Variants in SGCA observed in about 807,000 individuals in gnomAD.
SGCA encodes the protein alpha-sarcoglycan.
In SGCA, 34 loss-of-function variants were observed where a neutral mutation model predicts 38.1. The observed-to-expected ratio is 0.89, with a 90% CI of 0.68 to 1.19. The LOEUF (loss-of-function observed/expected upper bound fraction) is 1.19. SGCA is among the 50% of genes most tolerant of loss of function. The probability of loss-of-function intolerance (pLI) is 0.00; values close to 1 mark genes in which losing one functional copy is unlikely to be tolerated. For missense variants in SGCA, 476 were observed against 524.9 expected (o/e 0.91, Z 0.91); for synonymous variants, 209 against 214.6 (o/e 0.97, Z 0.23).
intron 6 of SGCA, chr17:50,169,603 T>C (rs917160667): frequency 1.1e-5 from 4 of 353,162 alleles, no homozygotes; most frequent in African/African-American, 6.2e-5. Flanking sequence ...GCGTGACAGC[T>C]CTGTCTGCTT....
chr17:50,167,809 G>T lies in SGCA; in HGVS notation c.312+73G>T. On this transcript the variant is annotated intron_variant, in intron 3 of 9. Transcript: ENST00000262018. This position sits in a 1 kb window ranked among gnomAD's most constrained non-coding sequence, Gnocchi z 4.5. The stretch of plus-strand genomic sequence containing the variant: ...CTCCTAGGAGCAGCCCTATGAATTG[G>T]GATTGGGTGCTCATTCACAGTCATT... 1 of 1,575,140 alleles carries T rather than the reference G, an allele frequency of 6.3e-7. No individual in the cohort carries two copies. Among genetic ancestry groups the T allele is most frequent in the Non-Finnish European group, 8.7e-7 (1 of 1,145,824 alleles).
In SGCA at chr17:50,167,018, T is replaced by C. The variant is rs1299068466; in HGVS notation, c.38-350T>C. Among the ~76,000 whole-genome samples the C allele has an allele frequency of 2.8e-5, 2 of 72,588 alleles. No individual in the cohort carries two copies. The highest frequency in any genetic ancestry group is 5.4e-5 in the Non-Finnish European group (2 of 36,818). The allele number at this position is 72,588 out of a possible 152,430, so 47.6% of individuals were successfully genotyped here. A position where few individuals can be genotyped will look rare whatever the true frequency, so the allele number is the denominator to read the frequency against. ...ATCCTCACAGACCCTCACACATACC[T>C]TCACACACACACCCCCCCACATCCC... is the stretch of plus-strand genomic sequence containing the variant. On this transcript the variant is annotated intron_variant, in intron 1 of 9. Transcript: ENST00000262018. The surrounding 1 kb of genome is among the most constrained non-coding windows in gnomAD (Gnocchi z 4.5).
Position 50,167,546 on chromosome 17 carries a change from G to C in SGCA, c.158-36G>C, listed in dbSNP as rs755329398. 6.2e-7 allele frequency: 1 copy of C among 1,613,746 alleles called. No homozygotes were observed. Among genetic ancestry groups the C allele is most frequent in the Admixed American group, 1.7e-5 (1 of 60,018 alleles). On this transcript the variant is annotated intron_variant, in intron 2 of 9. Transcript: ENST00000262018. This position sits in a 1 kb window ranked among gnomAD's most constrained non-coding sequence, Gnocchi z 4.5. Reference sequence around the variant, plus strand: ...CTGGGGTGTACCCCGCAGGGCTCCTGCTGTGACTCGAATCCCCTCTCCTCG... The same window carrying C: ...CTGGGGTGTACCCCGCAGGGCTCCTCCTGTGACTCGAATCCCCTCTCCTCG...
chr17:50,171,019 G>A (rs1349594820), intron 8 of SGCA, among the ~76,000 whole-genome samples: 4 of 152,202 alleles, frequency 2.6e-5, no homozygotes, highest in African/African-American at 9.6e-5. Flanking sequence ...AGCCGTAATC[G>A]TGCCACGGCA....
At chr17:50,171,500 C>T in intron 8 of SGCA, 1 of 456,750 alleles carries the variant, frequency 2.2e-6, no homozygotes, top group South Asian at 1.5e-5. Context: ...GACTGCTTGC[C>T]TGGCCTGCCT....
At position 50,168,585 on chromosome 17, in the gene SGCA, C is replaced by T. The variant is rs565224729; in HGVS notation, c.584+13C>T. On this transcript the variant is annotated intron_variant, in intron 5 of 9. Coordinates refer to ENST00000262018, the MANE Select transcript of SGCA (RefSeq NM_000023.4). ...GCCGAAAAGAAGGGTAGGTGTGCAA[C>T]CCTAGAGGACTTCCTGAAAGAGGAG... is the stretch of plus-strand genomic sequence containing the variant. 2.6e-6 allele frequency: 4 copies of T among 1,553,322 alleles called. No homozygotes were observed. The highest frequency in any genetic ancestry group is 3.5e-6 in the Non-Finnish European group (4 of 1,146,844).
Position 50,167,277 on chromosome 17 carries a change from G to A in SGCA, c.38-91G>A. ...AGGAAGCGCTTCTCTCGGTCCCTTA[G>A]GGGCTCCAAGGACTTGGTGGGGAAG... On this transcript the variant is annotated intron_variant, in intron 1 of 9. Coordinates refer to ENST00000262018, the MANE Select transcript of SGCA (RefSeq NM_000023.4). This position sits in a 1 kb window ranked among gnomAD's most constrained non-coding sequence, Gnocchi z 4.5. 1.3e-6 allele frequency: 2 copies of A among 1,585,724 alleles called. No individual in the cohort carries two copies. The highest frequency in any genetic ancestry group is 8.6e-7 in the Non-Finnish European group (1 of 1,160,234).
chr17:50,167,197 C>T lies in SGCA; in HGVS notation c.38-171C>T, dbSNP rs1904962806. Among the ~76,000 whole-genome samples the T allele has an allele frequency of 2.6e-5, 4 of 152,246 alleles. No individual in the cohort carries two copies. The South Asian group carries it at 8.3e-4, about 32-fold the overall frequency. ...AAACCCAGACGATTAAAATGTCTAG[C>T]CCAGCAGGGCTTGCTCCCCCATCCC... On this transcript the variant is annotated intron_variant, in intron 1 of 9. Transcript: ENST00000262018. This position sits in a 1 kb window ranked among gnomAD's most constrained non-coding sequence, Gnocchi z 4.5.
chr17:50,170,549 T>C lies in SGCA; in HGVS notation c.957-91T>C, dbSNP rs894644909. ...GGCACCAGGAGGGCATTGTGGATAA[T>C]TGCACACAGACCTCCACTCACATTG... On this transcript the variant is annotated intron_variant, in intron 7 of 9. Coordinates refer to ENST00000262018, the MANE Select transcript of SGCA (RefSeq NM_000023.4). 17 of 1,441,592 alleles carry C rather than the reference T, an allele frequency of 1.2e-5. No individual in the cohort carries two copies. The African/African-American group carries it at 1.8e-4, about 16-fold the overall frequency. The allele number at this position is 1,441,592 out of a possible 1,614,324, so 89.3% of individuals were successfully genotyped here. A position where few individuals can be genotyped will look rare whatever the true frequency, so the allele number is the denominator to read the frequency against.
intron 8 of SGCA, among the ~76,000 whole-genome samples, chr17:50,172,681 T>C (rs1335374229): frequency 4.6e-5 from 7 of 152,178 alleles, no homozygotes; most frequent in Non-Finnish European, 1.0e-4. Flanking sequence ...CCCACCATCT[T>C]GACCCACTGG....
At chr17:50,171,309 C>G in intron 8 of SGCA, 1 of 355,190 alleles carries the variant, frequency 2.8e-6, no homozygotes, top group Non-Finnish European at 5.6e-6. Context: ...CAGCCCTTTC[C>G]AAATCCTTCC....
At chr17:50,166,576 G>T (rs942607135) in intron 1 of SGCA, among the ~76,000 whole-genome samples, 3 of 151,780 alleles carry the variant, frequency 2.0e-5, no homozygotes, top group Admixed American at 2.0e-4. Flanking sequence ...TCCTCTGTAG[G>T]CTCCTGGCCC....
rs769084027 is a variant in SGCA at position 50,170,320 on chromosome 17, G to A, written c.925G>A (p.Ala309Thr). ...LVALLLTLLL[A>T]YVMCCRREGR... Reference sequence around the variant, plus strand: ...GGCCCTGCTTCTCACCTTGCTGCTGGCCTATGTCATGTGCTGCCGGCGGGA... The same window carrying A: ...GGCCCTGCTTCTCACCTTGCTGCTGACCTATGTCATGTGCTGCCGGCGGGA... The change falls in exon 7 of 10, where the codon GCC (alanine) becomes ACC (threonine). Residue 309 changes from alanine (A) to threonine (T), a missense_variant. By Grantham distance (58) the Ala-to-Thr change is moderately conservative (BLOSUM62 0). Coordinates refer to ENST00000262018, the MANE Select transcript of SGCA (RefSeq NM_000023.4). 1.2e-6 allele frequency: 2 copies of A among 1,614,124 alleles called. No individual in the cohort carries two copies. Among genetic ancestry groups the A allele is most frequent in the Non-Finnish European group, 1.7e-6 (2 of 1,179,970 alleles).
chr17:50,171,278 T>C (rs1431409385), intron 8 of SGCA: 2 of 354,784 alleles, frequency 5.6e-6, no homozygotes, highest in Non-Finnish European at 1.1e-5. Context: ...AGCTGGTGTC[T>C]ATGAGTGCTT....
chr17:50,173,930 A>G (rs919817323), intron 8 of SGCA, among the ~76,000 whole-genome samples: 1 of 152,180 alleles, frequency 6.6e-6, no homozygotes, highest in Non-Finnish European at 1.5e-5. Context: ...GGACCTGAAC[A>G]TGGGTGGGGA....
chr17:50,175,182 G>A, intron 8 of SGCA, 75 bp from the exon 9 acceptor site: 2 of 1,402,640 alleles, frequency 1.4e-6, no homozygotes, highest in Non-Finnish European at 9.8e-7. Context: ...CCGCAGGGTG[G>A]CTCAGAGGCA....
chr17:50,167,819 C>T lies in SGCA; in HGVS notation c.312+83C>T, dbSNP rs2696297. The T allele has an allele frequency of 0.84, 1,299,398 of 1,552,088 alleles. 544,610 individuals are homozygous for T. The highest frequency in any genetic ancestry group is 0.95 in the East Asian group (42,464 of 44,470). On this transcript the variant is annotated intron_variant, in intron 3 of 9. Transcript: ENST00000262018. This position sits in a 1 kb window ranked among gnomAD's most constrained non-coding sequence, Gnocchi z 4.5. ...CAGCCCTATGAATTGGGATTGGGTG[C>T]TCATTCACAGTCATTTACATATAAT...
In SGCA at chr17:50,175,885, T is replaced by A. The variant is rs1905908614; in HGVS notation, c.*186T>A. ...GGAGTAAGGACATTCAGAATAAATA[T>A]CTGCTGCTCTGCTCACCAATTGCTG... On this transcript the variant is annotated 3_prime_UTR_variant, in exon 10 of 10. Coordinates refer to ENST00000262018, the MANE Select transcript of SGCA (RefSeq NM_000023.4). 1 of 458,492 alleles carries A rather than the reference T, an allele frequency of 2.2e-6. No homozygotes were observed. Among genetic ancestry groups the A allele is most frequent in the Non-Finnish European group, 4.4e-6 (1 of 228,570 alleles). The allele number at this position is 458,492 out of a possible 1,614,324, so 28.4% of individuals were successfully genotyped here. A position where few individuals can be genotyped will look rare whatever the true frequency, so the allele number is the denominator to read the frequency against.
At chr17:50,174,189 C>T (rs916212188) in intron 8 of SGCA, among the ~76,000 whole-genome samples, 2 of 152,132 alleles carry the variant, frequency 1.3e-5, no homozygotes, top group Non-Finnish European at 2.9e-5. Flanking sequence ...AGCATGGTGG[C>T]TTGCACTTAT....
Sources: allele counts gnomAD v4.1 joint callset (sites outside exome capture counted in the v4.1 genomes callset), GRCh38; gene constraint gnomAD v4.1.1; non-coding constraint Gnocchi (gnomAD v3.1); transcripts MANE v1.5; gene names NCBI Gene and HGNC (gene_info 2026-07-23, HGNC 2026-07-21).